The following SEMA6D variants were observed in gnomAD, a reference collection of about 807,000 sequenced individuals.
The protein encoded by SEMA6D is semaphorin-6D.
SEMA6D carries 35 observed loss-of-function variants against 106.6 expected under a neutral mutation model. That is an observed-to-expected ratio of 0.33 (90% CI 0.25 to 0.44). The LOEUF is 0.44. Ranked by LOEUF, SEMA6D falls within the 20% of genes least tolerant of loss-of-function variation. SEMA6D has a pLI of 1.00. For missense variants in SEMA6D, 1,185 were observed against 1,345.9 expected (o/e 0.88, Z 1.87); for synonymous variants, 499 against 487.7 (o/e 1.02, Z -0.31).
chr15:47,492,048 C>T (rs2043492077), intron 3 of SEMA6D, among the ~76,000 whole-genome samples: 1 of 152,074 alleles, frequency 6.6e-6, no homozygotes, highest in Non-Finnish European at 1.5e-5. Flanking sequence ...TGTAGAAATT[C>T]AAGAAGATGG....
chr15:47,386,002 C>T (rs2039826198), intron 1 of SEMA6D, among the ~76,000 whole-genome samples: 1 of 152,140 alleles, frequency 6.6e-6, no homozygotes, highest in Non-Finnish European at 1.5e-5. Flanking sequence ...ATTTTCTTCT[C>T]TGTAAAATAG....
intron 1 of SEMA6D, among the ~76,000 whole-genome samples, chr15:47,741,449 G>T (rs766228819): frequency 1.5e-4 from 23 of 152,236 alleles, no homozygotes; most frequent in Non-Finnish European, 2.8e-4. Flanking sequence ...GGGCACAGTG[G>T]CTCACGCCTG....
At chr15:47,623,679 G>GT (rs1453286487) in intron 4 of SEMA6D, among the ~76,000 whole-genome samples, 1 of 152,176 alleles carries the variant, frequency 6.6e-6, no homozygotes, top group Non-Finnish European at 1.5e-5. Flanking sequence ...AGGTACGGAT[G>GT]TTATGTATCT....
intron 3 of SEMA6D, among the ~76,000 whole-genome samples, chr15:47,586,238 A>G (rs1650129447): frequency 6.6e-6 from 1 of 152,164 alleles, no homozygotes; most frequent in African/African-American, 2.4e-5. Flanking sequence ...TCCCTTATTT[A>G]GTGTACAAAC....
In SEMA6D at chr15:47,759,815, T is replaced by C. The variant is rs2081965084; in HGVS notation, c.17T>C (p.Leu6Pro). The C allele has an allele frequency of 3.7e-6, 6 of 1,613,786 alleles. No homozygotes were observed. In the African/African-American group the frequency reaches 5.3e-5, roughly 14 times the overall value. Reference sequence around the variant, plus strand: ...TGGCCCACCATGAGGGTCTTCCTGCTTTGTGCCTACATACTGCTGCTGATG... The same window carrying C: ...TGGCCCACCATGAGGGTCTTCCTGCCTTGTGCCTACATACTGCTGCTGATG... MRVFLLCAYILLLMVS... is the reference protein window; with the variant it reads MRVFLPCAYILLLMVS... Residue 6 changes from leucine to proline, a missense_variant, in exon 2 of 19, where the codon CTT becomes CCT. By Grantham distance (98) the Leu-to-Pro change is moderately conservative (BLOSUM62 -3). This residue lies in a region of SEMA6D where 144 missense variants were observed against 138.6 expected (regional missense o/e 1.04). Coordinates refer to ENST00000536845, the MANE Select transcript of SEMA6D (RefSeq NM_001358351.3).
At chr15:47,711,708 A>G (rs950752503) in intron 4 of SEMA6D, among the ~76,000 whole-genome samples, 4 of 152,242 alleles carry the variant, frequency 2.6e-5, no homozygotes, top group South Asian at 2.1e-4. Flanking sequence ...AATAACTTCA[A>G]TATATTCAAT....
At chr15:47,191,993 C>T (rs1468518402) in intron 1 of SEMA6D, among the ~76,000 whole-genome samples, 1 of 152,086 alleles carries the variant, frequency 6.6e-6, no homozygotes, top group Non-Finnish European at 1.5e-5. Context: ...ATCCTGAATC[C>T]AACGTTCTTA....
intron 3 of SEMA6D, among the ~76,000 whole-genome samples, chr15:47,511,887 A>T (rs114435408): frequency 2.6e-3 from 389 of 152,288 alleles, no homozygotes; most frequent in African/African-American, 8.9e-3. Flanking sequence ...TGTGCACTGC[A>T]TCGTTTAGGA....
intron 1 of SEMA6D, among the ~76,000 whole-genome samples, chr15:47,264,889 T>C (rs1204501206): frequency 6.6e-6 from 1 of 152,140 alleles, no homozygotes; most frequent in Non-Finnish European, 1.5e-5. Flanking sequence ...AATTTTTCTC[T>C]ATGGATTTAG....
intron 3 of SEMA6D, among the ~76,000 whole-genome samples, chr15:47,593,108 G>A (rs1596385503): frequency 6.6e-6 from 1 of 152,016 alleles, no homozygotes; most frequent in African/African-American, 2.4e-5. Flanking sequence ...CTCATGATTA[G>A]TCAAAAAAAG....
At chr15:47,206,483 A>G (rs1347670640) in intron 1 of SEMA6D, among the ~76,000 whole-genome samples, 2 of 152,128 alleles carry the variant, frequency 1.3e-5, no homozygotes, top group Non-Finnish European at 2.9e-5. Context: ...CCTTAGGCAG[A>G]ATGCTTTTCC....
intron 2 of SEMA6D, among the ~76,000 whole-genome samples, chr15:47,440,076 A>C (rs1596000157): frequency 6.6e-6 from 1 of 152,112 alleles, no homozygotes; most frequent in East Asian, 1.9e-4. Flanking sequence ...GAGAGCAAAA[A>C]GAAGGATGGA....
chr15:47,482,948 G>T (rs1425692947), intron 3 of SEMA6D, among the ~76,000 whole-genome samples: 1 of 152,112 alleles, frequency 6.6e-6, no homozygotes, highest in Admixed American at 6.6e-5. Context: ...TGGCAGCTTG[G>T]AATATATCAG....
chr15:47,252,626 A>G (rs1323995612), intron 1 of SEMA6D, among the ~76,000 whole-genome samples: 1 of 152,170 alleles, frequency 6.6e-6, no homozygotes, highest in Non-Finnish European at 1.5e-5. Flanking sequence ...TAGATTCCAT[A>G]TGTATGTGAG....
intron 4 of SEMA6D, among the ~76,000 whole-genome samples, chr15:47,636,149 T>C (rs1397289544): frequency 6.6e-6 from 1 of 152,146 alleles, no homozygotes; most frequent in Non-Finnish European, 1.5e-5. Flanking sequence ...GATAGAAATG[T>C]TCTCACACTG....
intron 1 of SEMA6D, among the ~76,000 whole-genome samples, chr15:47,320,808 T>C (rs2036894707): frequency 6.6e-6 from 1 of 152,196 alleles, no homozygotes; most frequent in Non-Finnish European, 1.5e-5. Context: ...TTTAGCACTT[T>C]ACCACCTGTA....
chr15:47,668,932 T>C (rs1008418449), intron 4 of SEMA6D, among the ~76,000 whole-genome samples: 10 of 152,222 alleles, frequency 6.6e-5, no homozygotes, highest in Non-Finnish European at 7.3e-5. Context: ...GGTACATCTT[T>C]TTGTTGCCTC....
rs559427502 is a variant in SEMA6D at position 47,278,452 on chromosome 15, A to G, written c.-239+94034A>G. On this transcript the variant is annotated intron_variant, in intron 1 of 19. Transcript: ENST00000558014. ...GTTGATGTCCTTTGCCCACTTTTTGATGGGGTTGTTTGTTTTTTTCTTGTA... is the reference window on the plus strand; with the variant it reads ...GTTGATGTCCTTTGCCCACTTTTTGGTGGGGTTGTTTGTTTTTTTCTTGTA... Among the ~76,000 whole-genome samples, 30 of 151,886 alleles carry G rather than the reference A, an allele frequency of 2.0e-4. No homozygotes were observed. In the East Asian group the frequency reaches 5.6e-3, roughly 29 times the overall value.
At chr15:47,214,529 T>C (rs1188299481) in intron 1 of SEMA6D, among the ~76,000 whole-genome samples, 4 of 152,204 alleles carry the variant, frequency 2.6e-5, no homozygotes, top group Admixed American at 2.6e-4. Context: ...GTTTGTAGAT[T>C]CTGAAGACAC....
Sources: allele counts gnomAD v4.1 joint callset (sites outside exome capture counted in the v4.1 genomes callset), GRCh38; gene constraint gnomAD v4.1.1; regional missense constraint gnomAD v4.1.1; transcripts MANE v1.5; gene names NCBI Gene and HGNC (gene_info 2026-07-23, HGNC 2026-07-21).